The following NELL2 variants were observed in gnomAD, a reference collection of about 807,000 sequenced individuals.
The protein encoded by NELL2 is neural EGFL like 2.
A neutral mutation model predicts 109.6 loss-of-function variants in NELL2; 41 were observed. The ratio of observed to expected loss-of-function variants is 0.37; its 90% CI spans 0.29 to 0.49. The LOEUF (loss-of-function observed/expected upper bound fraction) is 0.49. NELL2 is among the 20% of genes least tolerant of loss of function. NELL2 has a pLI of 0.98. For synonymous variants in NELL2, 355 were observed against 344.7 expected, an observed-to-expected ratio of 1.03 and a Z score of -0.33; for missense variants, 900 against 1,008.3, an observed-to-expected ratio of 0.89 and a Z score of 1.45.
At chr12:44,709,543 G>T (rs1266876549) in intron 11 of NELL2, among the ~76,000 whole-genome samples, 1 of 152,138 alleles carries the variant, frequency 6.6e-6, no homozygotes, top group Non-Finnish European at 1.5e-5. Flanking sequence ...GCCAAGCCCT[G>T]TCTGAATTCC....
At chr12:44,510,358 C>T (rs1004875721) in intron 19 of NELL2, among the ~76,000 whole-genome samples, 1 of 152,110 alleles carries the variant, frequency 6.6e-6, no homozygotes, top group Non-Finnish European at 1.5e-5. Flanking sequence ...TGTCCAAAAT[C>T]ACACAGCTAG....
chr12:44,901,537 T>G (rs1264667077), intron 1 of NELL2, among the ~76,000 whole-genome samples: 1 of 152,172 alleles, frequency 6.6e-6, no homozygotes, highest in Non-Finnish European at 1.5e-5. Flanking sequence ...GACTCCTCCC[T>G]AACTCATTTT....
At chr12:44,911,930 T>C (rs2136893218) in intron 1 of NELL2, among the ~76,000 whole-genome samples, 1 of 151,712 alleles carries the variant, frequency 6.6e-6, no homozygotes, top group Admixed American at 6.6e-5. Flanking sequence ...GTAACAAACC[T>C]GCACGTTGTG....
chr12:44,917,320 A>G (rs773727584), upstream of NELL2, among the ~76,000 whole-genome samples: 6 of 152,250 alleles, frequency 3.9e-5, no homozygotes, highest in Non-Finnish European at 5.9e-5. Context: ...ATTTGAATTC[A>G]GAGAAACCCA....
chr12:44,685,919 T>C (rs1239126437), intron 12 of NELL2, among the ~76,000 whole-genome samples: 1 of 152,176 alleles, frequency 6.6e-6, no homozygotes, highest in African/African-American at 2.4e-5. Context: ...TCGAGAAGTA[T>C]CTTTGTGGCG....
At chr12:44,680,031 T>G (rs1203210458) in intron 12 of NELL2, among the ~76,000 whole-genome samples, 1 of 152,162 alleles carries the variant, frequency 6.6e-6, no homozygotes, top group South Asian at 2.1e-4. Context: ...ATTCATCAAG[T>G]TGAATAGCAG....
chr12:44,652,482 T>C (rs1464172871), intron 13 of NELL2, among the ~76,000 whole-genome samples: 1 of 152,176 alleles, frequency 6.6e-6, no homozygotes, highest in Non-Finnish European at 1.5e-5. Context: ...AACTCAATCA[T>C]TAAAGTGAGG....
At chr12:44,648,124 A>G (rs551941616) in intron 13 of NELL2, among the ~76,000 whole-genome samples, 4 of 152,290 alleles carry the variant, frequency 2.6e-5, no homozygotes, top group Admixed American at 6.5e-5. Context: ...GGGGAGAGAT[A>G]TAGGGCTGGA....
At chr12:44,617,284 C>A (rs1369423473) in intron 13 of NELL2, among the ~76,000 whole-genome samples, 1 of 152,122 alleles carries the variant, frequency 6.6e-6, no homozygotes, top group Non-Finnish European at 1.5e-5. Context: ...AGTACATATT[C>A]TAATTTCCAG....
intron 2 of NELL2, among the ~76,000 whole-genome samples, chr12:44,849,901 T>G (rs1020728807): frequency 6.6e-6 from 1 of 152,198 alleles, no homozygotes; most frequent in African/African-American, 2.4e-5. Flanking sequence ...GCATATTGCT[T>G]GATTCCATTT....
chr12:44,852,086 G>C (rs1388847585), intron 2 of NELL2, among the ~76,000 whole-genome samples: 1 of 151,964 alleles, frequency 6.6e-6, no homozygotes, highest in Non-Finnish European at 1.5e-5. Context: ...TTTTGAATGA[G>C]TTCTCTCCAT....
intron 2 of NELL2, among the ~76,000 whole-genome samples, chr12:44,816,982 T>C (rs891372995): frequency 5.9e-5 from 9 of 152,250 alleles, no homozygotes; most frequent in Non-Finnish European, 8.8e-5. Context: ...GCAAAGAAGA[T>C]TGACGAGAGA....
intron 12 of NELL2, among the ~76,000 whole-genome samples, chr12:44,672,585 A>G (rs777957410): frequency 6.6e-6 from 1 of 152,130 alleles, no homozygotes; most frequent in African/African-American, 2.4e-5. Flanking sequence ...TGTTAATTGA[A>G]CTCATAAGTA....
Position 44,749,037 on chromosome 12 carries a change from C to T in NELL2, c.994+25710G>A, listed in dbSNP as rs899981026. Reference sequence around the variant, plus strand: ...TCACTCATGCCACATTAGCCTTGCACGATGAAATCAGTTTTCTCAACAAAA... The same window carrying T: ...TCACTCATGCCACATTAGCCTTGCATGATGAAATCAGTTTTCTCAACAAAA... On this transcript the variant is annotated intron_variant, in intron 9 of 19. Coordinates refer to ENST00000429094, the MANE Select transcript of NELL2 (RefSeq NM_001145108.2). Among the ~76,000 whole-genome samples the T allele has an allele frequency of 7.2e-5, 11 of 152,228 alleles. No individual in the cohort carries two copies. In the South Asian group the frequency reaches 8.3e-4, roughly 11 times the overall value.
chr12:44,597,575 A>C (rs559318800), intron 15 of NELL2, among the ~76,000 whole-genome samples: 4 of 152,358 alleles, frequency 2.6e-5, no homozygotes, highest in Admixed American at 1.3e-4. Context: ...AAAGCATAAA[A>C]ACTGTTAAAC....
upstream of NELL2, among the ~76,000 whole-genome samples, chr12:44,917,842 C>T (rs1270185955): frequency 1.3e-5 from 2 of 152,200 alleles, no homozygotes; most frequent in Admixed American, 1.3e-4. Flanking sequence ...GGCCTCTAAG[C>T]ACTGCAAGTG....
chr12:44,657,013 A>T (rs575233076), intron 13 of NELL2, among the ~76,000 whole-genome samples: 1 of 152,338 alleles, frequency 6.6e-6, no homozygotes, highest in African/African-American at 2.4e-5. Flanking sequence ...TAAATAAATT[A>T]AACACACAGA....
intron 12 of NELL2, among the ~76,000 whole-genome samples, chr12:44,675,313 T>A (rs17652213): frequency 0.16 from 24,956 of 152,090 alleles, 2,143 homozygotes; most frequent in East Asian, 0.21. Flanking sequence ...AAGTCACTAC[T>A]AGCCACAAAA....
At chr12:44,710,155 G>C (rs142807058) in intron 11 of NELL2, among the ~76,000 whole-genome samples, 1 of 152,226 alleles carries the variant, frequency 6.6e-6, no homozygotes, top group East Asian at 1.9e-4. Flanking sequence ...GCACCACCCT[G>C]CTAAAAATGG....
Sources: gnomAD v4.1 joint callset for allele counts (sites outside exome capture counted in the v4.1 genomes callset) on GRCh38, gnomAD v4.1.1 for gene constraint, MANE v1.5 for transcripts, NCBI Gene and HGNC (gene_info 2026-07-23, HGNC 2026-07-21) for gene names.